LAMA1: variants seen among roughly 807,000 people sequenced by gnomAD.
LAMA1 encodes the protein laminin subunit alpha-1.
LAMA1 carries 219 observed loss-of-function variants against 348.7 expected under a neutral mutation model. That is an observed-to-expected ratio of 0.63 (90% CI 0.56 to 0.70). LAMA1 has a LOEUF of 0.70. Among genes scored for constraint, LAMA1 ranks in the 30% least tolerant of loss-of-function variants. The pLI, the probability that LAMA1 is intolerant of heterozygous loss-of-function variation, is 0.00. For synonymous variants in LAMA1, 1,487 were observed against 1,491.0 expected, an observed-to-expected ratio of 1.00 and a Z score of 0.06; for missense variants, 3,744 against 3,888.0, an observed-to-expected ratio of 0.96 and a Z score of 0.99.
intron 61 of LAMA1, among the ~76,000 whole-genome samples, chr18:6,945,485 T>C (rs1280287594): frequency 6.6e-6 from 1 of 152,068 alleles, no homozygotes; most frequent in Non-Finnish European, 1.5e-5. Context: ...ATCTAGAACA[T>C]GGAGACTTTT....
intron 56 of LAMA1, chr18:6,955,833 G>A (rs903538856): frequency 1.6e-5 from 6 of 366,088 alleles, no homozygotes; most frequent in African/African-American, 6.3e-5. Flanking sequence ...TGCAGCTGCC[G>A]AGACGAGCTG....
At chr18:6,957,800 A>G (rs1172312975) in intron 55 of LAMA1, among the ~76,000 whole-genome samples, 1 of 144,076 alleles carries the variant, frequency 6.9e-6, no homozygotes, top group Non-Finnish European at 1.5e-5. Context: ...TTTTTCTGAG[A>G]CAGAGTCTCA....
At chr18:6,971,789 A>T (rs1245382832) in intron 48 of LAMA1, 68 bp downstream of exon 48, 4 of 1,607,220 alleles carry the variant, frequency 2.5e-6, no homozygotes, top group Non-Finnish European at 3.4e-6. Flanking sequence ...GTATTAATAC[A>T]TTCTTTCAGC....
In LAMA1 at chr18:6,986,394, C is replaced by T. The variant is rs1316096617; in HGVS notation, c.5169-47G>A. 5.1e-6 allele frequency: 8 copies of T among 1,570,290 alleles called. No individual in the cohort carries two copies. In the South Asian group the frequency reaches 6.7e-5, roughly 13 times the overall value. ...CATAGTAAGTAAATGAACAACAAAG[C>T]TCCTATCTCTGAAATAATAGTGGAA... On this transcript the variant is annotated intron_variant, in intron 36 of 62. Transcript: ENST00000389658.
intron 30 of LAMA1, 75 bp from the exon 31 acceptor site, chr18:7,000,072 T>C (rs983127134): frequency 1.9e-6 from 2 of 1,063,522 alleles, no homozygotes; most frequent in African/African-American, 3.1e-5. Flanking sequence ...TATTCATTAC[T>C]CTTAGGATAC....
intron 1 of LAMA1, among the ~76,000 whole-genome samples, chr18:7,113,167 G>C (rs150898549): frequency 1.3e-5 from 2 of 152,150 alleles, no homozygotes; most frequent in African/African-American, 2.4e-5. Context: ...GTGAGTACAG[G>C]GAAGGTTGTC....
At position 7,014,037 on chromosome 18, in the gene LAMA1, A is replaced by G; in HGVS notation, c.3141T>C (p.Ser1047=). 1 of 1,613,862 alleles carries G rather than the reference A, an allele frequency of 6.2e-7. No homozygotes were observed. Among genetic ancestry groups the G allele is most frequent in the Admixed American group, 1.7e-5 (1 of 59,986 alleles). Residue 1047 remains serine (S), a synonymous_variant, in exon 23 of 63, where the codon AGT becomes AGC. Coordinates refer to ENST00000389658, the MANE Select transcript of LAMA1 (RefSeq NM_005559.4). ...ACCGATGATGAGTCGACCCCACGAG[A>G]CTGCAATTGCAGGCCTGAGAGAAGG... ...AEVGCQACNC[S]LVGSTHHRCD... is the part of the protein sequence containing the mutation.
intron 24 of LAMA1, among the ~76,000 whole-genome samples, 189 bp downstream of exon 24, chr18:7,011,806 A>T (rs2057861727): frequency 6.6e-6 from 1 of 152,220 alleles, no homozygotes; most frequent in South Asian, 2.1e-4. Context: ...CTTTAGTTCA[A>T]GCTCCATTTA....
chr18:7,019,087 C>T (rs989855353), intron 19 of LAMA1, among the ~76,000 whole-genome samples: 2 of 151,914 alleles, frequency 1.3e-5, no homozygotes, highest in African/African-American at 4.8e-5. Context: ...CAAGACACCC[C>T]CTCCCTTTTA....
chr18:7,018,201 T>C (rs942505141), intron 19 of LAMA1, among the ~76,000 whole-genome samples: 3 of 150,536 alleles, frequency 2.0e-5, no homozygotes, highest in African/African-American at 7.3e-5. Flanking sequence ...CCAGGCGTGG[T>C]GGCACGTGCC....
intron 1 of LAMA1, among the ~76,000 whole-genome samples, chr18:7,084,232 T>C (rs893501418): frequency 1.3e-5 from 2 of 151,992 alleles, no homozygotes; most frequent in African/African-American, 4.8e-5. Context: ...TTAAAGTCCC[T>C]AAGGTTGCTG....
intron 18 of LAMA1, 83 bp from the exon 19 acceptor site, chr18:7,023,458 T>A: frequency 1.8e-6 from 2 of 1,108,142 alleles, no homozygotes; most frequent in Non-Finnish European, 1.4e-6. Flanking sequence ...CCTGAATGGC[T>A]AATAAATCAG....
rs761791387 is a variant in LAMA1, at chr18:7,010,235, C to T, written c.3838G>A (p.Gly1280Arg). ...GCTACTTCTTGTTCCTGTCTCACTC[C>T]ATTCTCTGGGGCTGGTGCATCCATG... The part of the protein sequence containing the change: ...IYMDAPAPEN[G>R]VRQEQEVAMR... Residue 1280 changes from glycine (G) to arginine (R), a missense_variant, in exon 26 of 63, where the codon GGA becomes AGA. This residue lies in a region of LAMA1 where 1,529 missense variants were observed against 1,689.4 expected (regional missense o/e 0.91). Transcript: ENST00000389658. The T allele has an allele frequency of 8.0e-5, 129 of 1,614,050 alleles. No individual in the cohort carries two copies. In the South Asian group the frequency reaches 1.3e-3, roughly 16 times the overall value.
At chr18:7,046,443 A>T in intron 5 of LAMA1, 76 bp from the exon 6 acceptor site, 4 of 818,204 alleles carry the variant, frequency 4.9e-6, no homozygotes, top group Non-Finnish European at 8.5e-6. Context: ...ACACCAACAA[A>T]TATCTCATGT....
chr18:7,073,525 G>A (rs1251149295), intron 3 of LAMA1, among the ~76,000 whole-genome samples: 2 of 152,186 alleles, frequency 1.3e-5, no homozygotes, highest in Non-Finnish European at 1.5e-5. Flanking sequence ...TCTTTTGTGT[G>A]TGGCTTATTT....
chr18:7,041,035 T>C (rs1254503670), intron 9 of LAMA1, among the ~76,000 whole-genome samples: 2 of 152,118 alleles, frequency 1.3e-5, no homozygotes, highest in Admixed American at 6.5e-5. Context: ...GGCTTCTTTA[T>C]GGGATGATGA....
chr18:6,992,074 T>C (rs1300614564), intron 36 of LAMA1, among the ~76,000 whole-genome samples: 1 of 152,240 alleles, frequency 6.6e-6, no homozygotes, highest in East Asian at 1.9e-4. Context: ...TCCTTGTGAC[T>C]GTATGTAAGA....
chr18:7,080,405 A>G lies in LAMA1; in HGVS notation c.114T>C (p.Asn38=), dbSNP rs763994142. 22 of 1,614,146 alleles carry G rather than the reference A, an allele frequency of 1.4e-5. 1 individual carries two copies. In the South Asian group the frequency reaches 2.1e-4, roughly 15 times the overall value. ...CCGGCCCCTTCTCGCCACAGGTGGCATTGGTGCTGATGTGAGCATTGCTGG... is the reference window on the plus strand; with the variant it reads ...CCGGCCCCTTCTCGCCACAGGTGGCGTTGGTGCTGATGTGAGCATTGCTGG... ...NLASNAHIST[N]ATCGEKGPEM... Residue 38 remains asparagine, a synonymous_variant, in exon 2 of 63, where the codon AAT becomes AAC. Transcript: ENST00000389658.
intron 36 of LAMA1, among the ~76,000 whole-genome samples, chr18:6,992,078 T>C (rs938525859): frequency 6.6e-6 from 1 of 152,250 alleles, no homozygotes; most frequent in Non-Finnish European, 1.5e-5. Flanking sequence ...TGTGACTGTA[T>C]GTAAGAATGC....
Sources: allele counts gnomAD v4.1 joint callset (sites outside exome capture counted in the v4.1 genomes callset), GRCh38; gene constraint gnomAD v4.1.1; regional missense constraint gnomAD v4.1.1; transcripts MANE v1.5; gene names NCBI Gene and HGNC (gene_info 2026-07-23, HGNC 2026-07-21).